CUX1: variants seen among roughly 807,000 people sequenced by gnomAD.
CUX1 encodes the protein protein CASP.
CUX1 carries 31 observed loss-of-function variants against 158.8 expected under a neutral mutation model. The observed-to-expected ratio is 0.20, with a 90% CI of 0.15 to 0.26. The LOEUF (loss-of-function observed/expected upper bound fraction) is 0.26. Among genes scored for constraint, CUX1 ranks in the 10% least tolerant of loss-of-function variants. The probability of loss-of-function intolerance (pLI) is 1.00; values close to 1 mark genes in which losing one functional copy is unlikely to be tolerated. For missense variants in CUX1, 1,589 were observed against 2,014.6 expected, an observed-to-expected ratio of 0.79 and a Z score of 4.04; for synonymous variants, 879 against 862.1, an observed-to-expected ratio of 1.02 and a Z score of -0.34.
At chr7:101,816,124 C>CG, upstream of CUX1, 1 of 1,293,502 alleles carries the variant, frequency 7.7e-7, no homozygotes, top group Non-Finnish European at 1.0e-6. Context: ...GCCTCGCGCC[C>CG]GGGGGTGGGG....
intron 14 of CUX1, among the ~76,000 whole-genome samples, chr7:102,272,901 C>T (rs1270205568): frequency 6.6e-6 from 1 of 152,152 alleles, no homozygotes; most frequent in East Asian, 1.9e-4. Flanking sequence ...TGCACCCCCG[C>T]GGCTTTCTCT....
chr7:101,879,742 G>T (rs547980398), intron 1 of CUX1, among the ~76,000 whole-genome samples: 1 of 152,366 alleles, frequency 6.6e-6, no homozygotes, highest in East Asian at 1.9e-4. Context: ...CGGCCCGCCC[G>T]CAGGGTCCTT....
chr7:102,213,494 G>T (rs897904924), intron 20 of CUX1, among the ~76,000 whole-genome samples: 3 of 152,158 alleles, frequency 2.0e-5, no homozygotes, highest in Admixed American at 1.3e-4. Flanking sequence ...TCTTCCCGTC[G>T]CTTTCCCTGG....
intron 1 of CUX1, among the ~76,000 whole-genome samples, chr7:101,831,247 T>C (rs1793968390): frequency 6.6e-6 from 1 of 152,102 alleles, no homozygotes; most frequent in African/African-American, 2.4e-5. Flanking sequence ...AGCATAGGGA[T>C]TGAGTGACCA....
intron 3 of CUX1, among the ~76,000 whole-genome samples, chr7:102,045,911 C>T (rs1246924492): frequency 2.6e-5 from 4 of 152,206 alleles, no homozygotes; most frequent in Non-Finnish European, 4.4e-5. Flanking sequence ...GGCTCCTGAA[C>T]ATGGGGCTCT....
chr7:102,226,718 C>T (rs1798379431), intron 20 of CUX1, among the ~76,000 whole-genome samples: 2 of 152,158 alleles, frequency 1.3e-5, no homozygotes, highest in South Asian at 4.1e-4. Flanking sequence ...GCAACCTCCA[C>T]CTCCTGGGTG....
chr7:102,244,742 A>C (rs1470421350), intron 23 of CUX1, among the ~76,000 whole-genome samples: 1 of 152,142 alleles, frequency 6.6e-6, no homozygotes, highest in Non-Finnish European at 1.5e-5. Flanking sequence ...ATTGATGACG[A>C]GATTGCCAGA....
At chr7:102,080,283 A>G (rs782214725) in intron 4 of CUX1, among the ~76,000 whole-genome samples, 15 of 152,158 alleles carry the variant, frequency 9.9e-5, no homozygotes, top group Non-Finnish European at 1.6e-4. Context: ...CCGCTTTGCC[A>G]TGACCGGGGT....
intron 2 of CUX1, among the ~76,000 whole-genome samples, chr7:101,945,685 A>T (rs1808280530): frequency 6.6e-6 from 1 of 152,146 alleles, no homozygotes; most frequent in Non-Finnish European, 1.5e-5. Context: ...AGGAGTAGGG[A>T]CAAGATCTAC....
intron 6 of CUX1, 27 bp from the exon 7 acceptor site, chr7:102,111,671 A>G (rs781924970): frequency 1.6e-5 from 25 of 1,611,492 alleles, no homozygotes; most frequent in South Asian, 3.3e-5. Flanking sequence ...GAGATGACCA[A>G]TTTGGCTTCG....
intron 2 of CUX1, among the ~76,000 whole-genome samples, chr7:102,019,810 A>T (rs1250018868): frequency 6.6e-6 from 1 of 152,226 alleles, no homozygotes; most frequent in African/African-American, 2.4e-5. Context: ...AAATTATAGC[A>T]GGAGTGAGTT....
At position 102,008,259 on chromosome 7, in the gene CUX1, C is replaced by G. The variant is rs1162590825; in HGVS notation, c.142-19839C>G. On this transcript the variant is annotated intron_variant, in intron 2 of 23. Transcript: ENST00000292535. ...ATCTGGGAGCCTGTCCCCGCTGGCC[C>G]CCTCTCCCATGTCTTACTCCATCAG... Among the ~76,000 whole-genome samples, 4 of 152,046 alleles carry G rather than the reference C, an allele frequency of 2.6e-5. No individual in the cohort carries two copies. In the East Asian group the frequency reaches 7.7e-4, roughly 29 times the overall value.
At chr7:102,110,478 C>T (rs1324789431) in intron 6 of CUX1, among the ~76,000 whole-genome samples, 1 of 152,076 alleles carries the variant, frequency 6.6e-6, no homozygotes, top group Non-Finnish European at 1.5e-5. Context: ...TCATGTTACG[C>T]TCTAGTGTGT....
chr7:102,056,505 T>C (rs887921083), intron 3 of CUX1, among the ~76,000 whole-genome samples: 2 of 152,224 alleles, frequency 1.3e-5, no homozygotes, highest in Non-Finnish European at 2.9e-5. Context: ...GATCACAGCA[T>C]CTGTTTATAG....
At chr7:102,187,930 C>G (rs937087646) in intron 11 of CUX1, among the ~76,000 whole-genome samples, 5 of 152,162 alleles carry the variant, frequency 3.3e-5, no homozygotes, top group Admixed American at 3.3e-4. Flanking sequence ...AGGGCACCTA[C>G]AGGCATGGTG....
At chr7:102,258,864 G>A (rs1157160775), downstream of CUX1, among the ~76,000 whole-genome samples, 7 of 152,284 alleles carry the variant, frequency 4.6e-5, no homozygotes, top group Admixed American at 1.3e-4. Flanking sequence ...CTGGAATGAC[G>A]GGGCTACTGA....
intron 2 of CUX1, among the ~76,000 whole-genome samples, chr7:101,933,037 C>T (rs1392960585): frequency 2.0e-5 from 3 of 152,122 alleles, no homozygotes; most frequent in African/African-American, 4.8e-5. Flanking sequence ...GAAATGAATT[C>T]GTTGATAACC....
chr7:102,274,812 A>T (rs1443280105), intron 16 of CUX1, among the ~76,000 whole-genome samples: 1 of 152,218 alleles, frequency 6.6e-6, no homozygotes, highest in Non-Finnish European at 1.5e-5. Context: ...TTGGGTATTG[A>T]GGACAGAAAC....
At chr7:102,170,672 G>C (rs1586027772) in intron 10 of CUX1, 122 bp downstream of exon 10, 8 of 653,790 alleles carry the variant, frequency 1.2e-5, no homozygotes, top group Middle Eastern at 4.0e-4. Context: ...AACTAGTACT[G>C]CTTTCTCGGT....
Sources: gnomAD v4.1 joint callset for allele counts (sites outside exome capture counted in the v4.1 genomes callset) on GRCh38, gnomAD v4.1.1 for gene constraint, MANE v1.5 for transcripts, NCBI Gene and HGNC (gene_info 2026-07-23, HGNC 2026-07-21) for gene names.